The following CSMD1 variants were observed in gnomAD, a reference collection of about 807,000 sequenced individuals.
The protein encoded by CSMD1 is CUB and Sushi multiple domains 1.
Under a neutral mutation model 417.5 loss-of-function variants are expected in CSMD1, and 213 were observed. That is an observed-to-expected ratio of 0.51 (90% CI 0.46 to 0.57). The LOEUF is 0.57. Ranked by LOEUF, CSMD1 falls within the 20% of genes least tolerant of loss-of-function variation. CSMD1 has a pLI of 0.00. For synonymous variants in CSMD1, 2,862 were observed against 1,736.8 expected (o/e 1.65, Z -16.11); for missense variants, 6,923 against 4,529.7 (o/e 1.53, Z -15.17).
At chr8:4,162,498 C>A (rs1208690649) in intron 3 of CSMD1, among the ~76,000 whole-genome samples, 1 of 152,082 alleles carries the variant, frequency 6.6e-6, no homozygotes, top group Non-Finnish European at 1.5e-5. Flanking sequence ...CAGTTTTGAT[C>A]CTCATAAATC....
At chr8:4,536,341 G>C (rs1214700646) in intron 2 of CSMD1, among the ~76,000 whole-genome samples, 1 of 151,970 alleles carries the variant, frequency 6.6e-6, no homozygotes, top group Non-Finnish European at 1.5e-5. Context: ...CCCATTTCCT[G>C]TGTGTAATAT....
chr8:4,699,510 G>C (rs113826763), intron 1 of CSMD1, among the ~76,000 whole-genome samples: 2 of 152,086 alleles, frequency 1.3e-5, no homozygotes, highest in African/African-American at 2.4e-5. Flanking sequence ...GCTGTACATC[G>C]AACACTCAGC....
rs188940299 is a variant in CSMD1 at position 3,354,149 on chromosome 8, G to C, written c.3304+5003C>G. Among the ~76,000 whole-genome samples the C allele has an allele frequency of 5.3e-5, 8 of 152,286 alleles. No homozygotes were observed. In the East Asian group the frequency reaches 1.2e-3, roughly 22 times the overall value. ...ACTATTTATTTAATTATTTTAAAAA[G>C]TAGGTGAAAATATATAACCTCTCAA... On this transcript the variant is annotated intron_variant, in intron 21 of 69. Coordinates refer to ENST00000635120, the MANE Select transcript of CSMD1 (RefSeq NM_033225.6).
chr8:3,409,068 T>C (rs1218448068), intron 13 of CSMD1, among the ~76,000 whole-genome samples: 1 of 152,180 alleles, frequency 6.6e-6, no homozygotes, highest in Admixed American at 6.5e-5. Flanking sequence ...GTTTAAGTGT[T>C]ATACAGCATT....
chr8:3,258,081 G>A (rs974060874), intron 26 of CSMD1, among the ~76,000 whole-genome samples: 1 of 152,088 alleles, frequency 6.6e-6, no homozygotes, highest in Non-Finnish European at 1.5e-5. Flanking sequence ...AAATTTTATA[G>A]GTATGTCCAA....
chr8:3,511,645 C>G (rs893781537), intron 10 of CSMD1, among the ~76,000 whole-genome samples: 2 of 150,122 alleles, frequency 1.3e-5, no homozygotes, highest in East Asian at 1.9e-4. Context: ...GTGATCCCAG[C>G]TACTCAGGAG....
Position 4,169,081 on chromosome 8 carries a change from G to C in CSMD1, c.416-136982C>G, listed in dbSNP as rs182557920. Among the ~76,000 whole-genome samples the C allele has an allele frequency of 1.1e-3, 167 of 152,258 alleles. 2 individuals are homozygous for C. The highest frequency in any genetic ancestry group is 3.9e-3 in the African/African-American group (160 of 41,544). ...TCTGGATGTTTCTCCCTACCTGTAA[G>C]CCTGCTGGCTTAGTCCTTGAACCTC... On this transcript the variant is annotated intron_variant, in intron 3 of 69. Coordinates refer to ENST00000635120, the MANE Select transcript of CSMD1 (RefSeq NM_033225.6).
chr8:3,806,797 G>A (rs952375664), intron 5 of CSMD1, among the ~76,000 whole-genome samples: 4 of 152,104 alleles, frequency 2.6e-5, no homozygotes, highest in Non-Finnish European at 5.9e-5. Flanking sequence ...TAAATACTAG[G>A]TGCAGCATAG....
chr8:4,752,089 G>C (rs78389693), intron 1 of CSMD1, among the ~76,000 whole-genome samples: 1 of 152,016 alleles, frequency 6.6e-6, no homozygotes, highest in Non-Finnish European at 1.5e-5. Context: ...ATGTCTGTGT[G>C]TGTGTACATG....
At position 3,950,030 on chromosome 8, in the gene CSMD1, C is replaced by T. The variant is rs77577234; in HGVS notation, c.818+47873G>A. Reference sequence around the variant, plus strand: ...GCCAGGGTCCACGGCATTTCCTGTGCGTATTTGCTGTCACGCTACAGACAG... The same window carrying T: ...GCCAGGGTCCACGGCATTTCCTGTGTGTATTTGCTGTCACGCTACAGACAG... On this transcript the variant is annotated intron_variant, in intron 5 of 69. Coordinates refer to ENST00000635120, the MANE Select transcript of CSMD1 (RefSeq NM_033225.6). 4,524 of 455,502 alleles carry T rather than the reference C, an allele frequency of 9.9e-3. 143 individuals are homozygous for T. The highest frequency in any genetic ancestry group is 0.074 in the African/African-American group (3,678 of 49,924). The allele number at this position is 455,502 out of a possible 1,614,324, so 28.2% of individuals were successfully genotyped here.
intron 3 of CSMD1, among the ~76,000 whole-genome samples, chr8:4,061,302 C>T (rs2216893): frequency 0.85 from 129,304 of 152,146 alleles, 55,717 homozygotes; most frequent in Admixed American, 0.93. Flanking sequence ...TCTTATCATA[C>T]AAGAATTTCT....
chr8:3,206,512 T>G lies in CSMD1; in HGVS notation c.4868-892A>C, dbSNP rs184153285. Among the ~76,000 whole-genome samples, 133 of 124,208 alleles carry G rather than the reference T, an allele frequency of 1.1e-3. 2 individuals carry two copies. Among genetic ancestry groups the G allele is most frequent in the African/African-American group, 3.9e-3 (124 of 31,570 alleles). The allele number at this position is 124,208 out of a possible 152,430, so 81.5% of individuals were successfully genotyped here. ...TGTGTGTGGGTGTATGTGTGTGTGG[T>G]GTATGTCTGCGTGTGTATGTATGTG... is the stretch of plus-strand genomic sequence containing the variant. On this transcript the variant is annotated intron_variant, in intron 30 of 69. Transcript: ENST00000635120.
chr8:4,381,844 C>G (rs1357113535), intron 3 of CSMD1, among the ~76,000 whole-genome samples: 1 of 152,142 alleles, frequency 6.6e-6, no homozygotes, highest in Non-Finnish European at 1.5e-5. Context: ...TTCACCAAAG[C>G]TCAGCATCAC....
chr8:3,290,710 T>C (rs1320169714), intron 25 of CSMD1, among the ~76,000 whole-genome samples: 11 of 147,188 alleles, frequency 7.5e-5, no homozygotes, highest in Non-Finnish European at 1.6e-4. Context: ...GCTTATCAGC[T>C]TAAGGAGATT....
chr8:3,551,320 A>G (rs1383314985), intron 10 of CSMD1, among the ~76,000 whole-genome samples: 3 of 152,092 alleles, frequency 2.0e-5, no homozygotes, highest in African/African-American at 7.2e-5. Flanking sequence ...TCAATATGTG[A>G]ATGTTTTGAA....
At chr8:3,698,970 G>A (rs17398322) in intron 7 of CSMD1, among the ~76,000 whole-genome samples, 2 of 152,118 alleles carry the variant, frequency 1.3e-5, no homozygotes, top group African/African-American at 4.8e-5. Context: ...GGCTGATGAA[G>A]GTCCTCACTC....
intron 5 of CSMD1, among the ~76,000 whole-genome samples, chr8:3,910,077 A>T (rs1316935730): frequency 1.3e-5 from 2 of 152,210 alleles, no homozygotes; most frequent in African/African-American, 4.8e-5. Context: ...ACCAGCTGCT[A>T]ACATGGCATT....
At chr8:4,648,752 AG>A (rs1411811067) in intron 1 of CSMD1, among the ~76,000 whole-genome samples, 3 of 152,288 alleles carry the variant, frequency 2.0e-5, no homozygotes, top group Non-Finnish European at 4.4e-5. Flanking sequence ...TGTGGGGATG[AG>A]GGCTACTCCA....
chr8:4,771,712 C>T (rs1391916769), intron 1 of CSMD1, among the ~76,000 whole-genome samples: 2 of 152,208 alleles, frequency 1.3e-5, no homozygotes, highest in Admixed American at 6.5e-5. Flanking sequence ...TCCAGCATGT[C>T]AGGCTAGCGG....
Sources: gnomAD v4.1 joint callset for allele counts (sites outside exome capture counted in the v4.1 genomes callset) on GRCh38, gnomAD v4.1.1 for gene constraint, MANE v1.5 for transcripts, NCBI Gene and HGNC (gene_info 2026-07-23, HGNC 2026-07-21) for gene names.